MPP2: variants seen among roughly 807,000 people sequenced by gnomAD.
MPP2 encodes MAGUK p55 scaffold protein 2, also known as MAGUK p55 subfamily member 2.
MPP2 carries 42 observed loss-of-function variants against 58.5 expected under a neutral mutation model. That is an observed-to-expected ratio of 0.72 (90% CI 0.56 to 0.93). MPP2 has a LOEUF of 0.93. Ranked by LOEUF, MPP2 falls within the 40% of genes least tolerant of loss-of-function variation. The pLI is 0.00. For missense variants in MPP2, 632 were observed against 760.4 expected, an observed-to-expected ratio of 0.83 and a Z score of 1.99; for synonymous variants, 300 against 307.8, an observed-to-expected ratio of 0.97 and a Z score of 0.26.
chr17:43,882,539 G>A, intron 5 of MPP2, 28 bp from the exon 6 acceptor site: 2 of 1,592,408 alleles, frequency 1.3e-6, no homozygotes, highest in Non-Finnish European at 1.7e-6. Context: ...TGTAAGATGA[G>A]GCCCCAATTG....
chr17:43,890,877 G>A (rs1232207590), intron 3 of MPP2, among the ~76,000 whole-genome samples: 1 of 152,210 alleles, frequency 6.6e-6, no homozygotes, highest in Admixed American at 6.5e-5. Flanking sequence ...AGACATGTGA[G>A]TGAGGCCATC....
At chr17:43,908,171 G>C (rs2048362071), upstream of MPP2, among the ~76,000 whole-genome samples, 1 of 152,198 alleles carries the variant, frequency 6.6e-6, no homozygotes, top group South Asian at 2.1e-4. Context: ...GAAGTAACTG[G>C]CTAGCCTTCC....
chr17:43,891,490 G>A (rs1293742133), intron 3 of MPP2, among the ~76,000 whole-genome samples: 1 of 151,722 alleles, frequency 6.6e-6, no homozygotes, highest in African/African-American at 2.4e-5. Context: ...ACTCCAGCCT[G>A]GGCAACAAAG....
At chr17:43,887,997 T>A (rs2047443651) in intron 3 of MPP2, among the ~76,000 whole-genome samples, 1 of 152,120 alleles carries the variant, frequency 6.6e-6, no homozygotes, top group Non-Finnish European at 1.5e-5. Context: ...TATGCATGAC[T>A]TGTTGAATGT....
intron 3 of MPP2, among the ~76,000 whole-genome samples, chr17:43,890,414 A>C (rs570908757): frequency 6.6e-6 from 1 of 152,286 alleles, no homozygotes; most frequent in South Asian, 2.1e-4. Context: ...GCTAGTTTAT[A>C]GTGGCACCAG....
At chr17:43,907,045 A>T in intron 1 of MPP2, 1 of 400,326 alleles carries the variant, frequency 2.5e-6, no homozygotes, top group Non-Finnish European at 3.4e-6. Context: ...TTAGCTGCCT[A>T]GGGGGACCAG....
At chr17:43,903,361 A>G (rs944122699) in intron 2 of MPP2, among the ~76,000 whole-genome samples, 3 of 152,154 alleles carry the variant, frequency 2.0e-5, no homozygotes, top group African/African-American at 7.2e-5. Flanking sequence ...AGGTCTTCAA[A>G]AGGAGGTGAC....
In MPP2 at chr17:43,881,300, A is replaced by G; in HGVS notation, c.863T>C (p.Leu288Pro). ...GACAAATGCTTTCCGCTTCTCCTCC[A>G]GCAGCTGGCTGGGAATGAGCCCAGC... ...GSAGLIPSQL[L>P]EEKRKAFVKR... Residue 288 changes from leucine (L) to proline (P), a missense_variant, in exon 8 of 13, where the codon CTG becomes CCG. Physicochemically the swap from Leu to Pro is moderately conservative, Grantham distance 98 (BLOSUM62 -3). Transcript: ENST00000269095. 6.2e-7 allele frequency: 1 copy of G among 1,614,062 alleles called. No individual in the cohort carries two copies. The highest frequency in any genetic ancestry group is 8.5e-7 in the Non-Finnish European group (1 of 1,179,994).
At chr17:43,894,922 G>A (rs978509620) in intron 3 of MPP2, among the ~76,000 whole-genome samples, 1 of 151,996 alleles carries the variant, frequency 6.6e-6, no homozygotes, top group Non-Finnish European at 1.5e-5. Flanking sequence ...CAACCTGGGA[G>A]ATGGAATAAG....
chr17:43,900,752 G>T, intron 2 of MPP2: 2 of 567,838 alleles, frequency 3.5e-6, no homozygotes, highest in Non-Finnish European at 4.5e-6. Context: ...TGCAGAGCAG[G>T]CGGTAACCCG....
Position 43,904,451 on chromosome 17 carries a change from C to T in MPP2, c.10G>A (p.Ala4Thr). 13 of 1,614,018 alleles carry T rather than the reference C, an allele frequency of 8.1e-6. No homozygotes were observed. The highest frequency in any genetic ancestry group is 1.1e-5 in the Non-Finnish European group (13 of 1,179,910). MPV[A>T]ATNSETAMQQ... ...TTACCAGTTTCAGAGTTGGTGGCGGCAACCGGCATGGTGAAGGAGGCAAGG... is the reference window on the plus strand; with the variant it reads ...TTACCAGTTTCAGAGTTGGTGGCGGTAACCGGCATGGTGAAGGAGGCAAGG... The change falls in exon 2 of 13, where the codon GCC becomes ACC. Residue 4 changes from alanine to threonine, a missense_variant. By Grantham distance (58) the Ala-to-Thr change is moderately conservative. Coordinates refer to ENST00000269095, the MANE Select transcript of MPP2 (RefSeq NM_005374.5).
At chr17:43,882,153 T>C (rs1337723146) in intron 6 of MPP2, 131 bp downstream of exon 6, 8 of 852,746 alleles carry the variant, frequency 9.4e-6, no homozygotes, top group Non-Finnish European at 1.5e-5. Context: ...CAGCTGCCCC[T>C]GGGCTGCAGG....
intron 3 of MPP2, among the ~76,000 whole-genome samples, chr17:43,892,473 C>T (rs879346635): frequency 2.0e-5 from 3 of 152,162 alleles, no homozygotes; most frequent in Non-Finnish European, 4.4e-5. Flanking sequence ...GAGACACTGT[C>T]TTTGATGAGA....
At chr17:43,895,468 T>C (rs1207305976) in intron 3 of MPP2, among the ~76,000 whole-genome samples, 1 of 152,184 alleles carries the variant, frequency 6.6e-6, no homozygotes, top group African/African-American at 2.4e-5. Context: ...CAAACATTAT[T>C]AACATTTTGG....
In MPP2 at chr17:43,882,950, C is replaced by T. The variant is rs745658351; in HGVS notation, c.406G>A (p.Asp136Asn). ...PTFSNQPVPP[D>N]AVRMVGIRKT... ...CGGATGCCCACCATGCGCACAGCATCGGGAGGTACAGGCTGGTTGCTGAAT... is the reference window on the plus strand; with the variant it reads ...CGGATGCCCACCATGCGCACAGCATTGGGAGGTACAGGCTGGTTGCTGAAT... Residue 136 changes from aspartate (D) to asparagine (N), a missense_variant, in exon 5 of 13, where the codon GAT becomes AAT. Coordinates refer to ENST00000269095, the MANE Select transcript of MPP2 (RefSeq NM_005374.5). The T allele has an allele frequency of 2.2e-5, 35 of 1,614,046 alleles. No homozygotes were observed. The highest frequency in any genetic ancestry group is 4.0e-5 in the African/African-American group (3 of 74,938).
chr17:43,907,930 T>A, upstream of MPP2: 1 of 985,320 alleles, frequency 1.0e-6, no homozygotes, highest in Non-Finnish European at 1.2e-6. Context: ...TGCTTCCATA[T>A]TGAGAAAAAG....
intron 3 of MPP2, among the ~76,000 whole-genome samples, chr17:43,897,507 A>G (rs1312988175): frequency 2.2e-5 from 2 of 91,074 alleles, no homozygotes; most frequent in African/African-American, 6.6e-5. Flanking sequence ...AAAAAAAACC[A>G]TAAAGCCTCC....
rs527694631 is a variant in MPP2 at position 43,877,644 on chromosome 17, C to A, written c.*163G>T. 1.5e-5 allele frequency: 10 copies of A among 677,066 alleles called. No homozygotes were observed. Among genetic ancestry groups the A allele is most frequent in the Middle Eastern group, 3.4e-4 (1 of 2,950 alleles). The allele number at this position is 677,066 out of a possible 1,614,324, so 41.9% of individuals were successfully genotyped here. ...GAATGCCCACCTCCCTGGCAGTGCA[C>A]GCCTCTGTGCTGAAGCCAGACTTAG... On this transcript the variant is annotated 3_prime_UTR_variant, in exon 13 of 13. Transcript: ENST00000269095.
intron 3 of MPP2, among the ~76,000 whole-genome samples, chr17:43,897,356 C>T (rs1015252685): frequency 6.6e-6 from 1 of 152,208 alleles, no homozygotes; most frequent in African/African-American, 2.4e-5. Context: ...TGGCACATGC[C>T]TGTAATCCCA....
Sources: gnomAD v4.1 joint callset for allele counts (sites outside exome capture counted in the v4.1 genomes callset) on GRCh38, gnomAD v4.1.1 for gene constraint, MANE v1.5 for transcripts, NCBI Gene and HGNC (gene_info 2026-07-23, HGNC 2026-07-21) for gene names.